Variants in KLHDC3 observed in about 807,000 individuals in gnomAD.
The protein encoded by KLHDC3 is kelch domain containing 3, also known as kelch domain-containing protein 3.
A neutral mutation model predicts 44.1 loss-of-function variants in KLHDC3; 5 were observed. The observed-to-expected ratio is 0.11, with a 90% CI of 0.06 to 0.24. The LOEUF (loss-of-function observed/expected upper bound fraction) is 0.24. KLHDC3 is among the 10% of genes least tolerant of loss of function. The pLI, the probability that KLHDC3 is intolerant of heterozygous loss-of-function variation, is 1.00. For synonymous variants in KLHDC3, 170 were observed against 189.0 expected, an observed-to-expected ratio of 0.90 and a Z score of 0.82; for missense variants, 247 against 514.3, an observed-to-expected ratio of 0.48 and a Z score of 5.03.
intron 9 of KLHDC3, 54 bp from the exon 10 acceptor site, chr6:43,019,234 C>A (rs960262783): frequency 2.6e-6 from 4 of 1,555,438 alleles, no homozygotes; most frequent in Non-Finnish European, 3.6e-6. Context: ...ATATCCAGGA[C>A]TGGATCCTTT....
At position 43,018,106 on chromosome 6, in the gene KLHDC3, G is replaced by A. The variant is rs778561831; in HGVS notation, c.448-39G>A. 6.7e-7 allele frequency: 1 copy of A among 1,485,582 alleles called. No individual in the cohort carries two copies. The highest frequency in any genetic ancestry group is 9.4e-7 in the Non-Finnish European group (1 of 1,063,094). 92.0% of individuals were successfully genotyped at this position (1,485,582 alleles called of 1,614,324 possible). On this transcript the variant is annotated intron_variant, in intron 4 of 10. Transcript: ENST00000326974. The surrounding 1 kb of genome is among the most constrained non-coding windows in gnomAD (Gnocchi z 6.0). ...GATGGAGGGTCAGAGAGTGACCATT[G>A]GCTCCCTCTTTTCTTCCTCCTTTTC... is the stretch of plus-strand genomic sequence containing the variant.
chr6:43,014,991 T>G (rs1239830203), intron 1 of KLHDC3, among the ~76,000 whole-genome samples: 1 of 152,112 alleles, frequency 6.6e-6, no homozygotes, highest in Non-Finnish European at 1.5e-5. Context: ...TCTCCTTGAA[T>G]TTGAGTTGTT....
chr6:43,019,411 A>G (rs1217107860), intron 10 of KLHDC3, 45 bp downstream of exon 10: 1 of 1,357,342 alleles, frequency 7.4e-7, no homozygotes, highest in Non-Finnish European at 1.1e-6. Context: ...AGGGTGAGTG[A>G]GCAGCACAGG....
At chr6:43,014,534 G>T (rs1480089730) in intron 1 of KLHDC3, 186 bp downstream of exon 1, 2 of 467,528 alleles carry the variant, frequency 4.3e-6, no homozygotes, top group Non-Finnish European at 8.5e-6. Flanking sequence ...GAGGAGATGG[G>T]TAGGAGAGAC....
rs1762682014 is a variant in KLHDC3 at position 43,021,025 on chromosome 6, G to C, written c.*292G>C. 1 of 569,378 alleles carries C rather than the reference G, an allele frequency of 1.8e-6. No individual in the cohort carries two copies. The highest frequency in any genetic ancestry group is 1.9e-5 in the African/African-American group (1 of 53,852). 35.3% of individuals were successfully genotyped at this position (569,378 alleles called of 1,614,324 possible). ...GCCCAGGGCCAGCCAGGTTCTGCTG[G>C]GAAGGGAAGGGAATGGGGAGAAGGG... On this transcript the variant is annotated 3_prime_UTR_variant, in exon 11 of 11. Coordinates refer to ENST00000326974, the MANE Select transcript of KLHDC3 (RefSeq NM_057161.4).
Position 43,020,850 on chromosome 6 carries a change from T to C in KLHDC3, c.*117T>C. ...CTTGGTATACCTCCATGTGGAGTTGTTGGGCGAGAGGTGTTCTCTGTGCTG... is the reference window on the plus strand; with the variant it reads ...CTTGGTATACCTCCATGTGGAGTTGCTGGGCGAGAGGTGTTCTCTGTGCTG... On this transcript the variant is annotated 3_prime_UTR_variant, in exon 11 of 11. Transcript: ENST00000326974. 1 of 816,408 alleles carries C rather than the reference T, an allele frequency of 1.2e-6. No homozygotes were observed. Among genetic ancestry groups the C allele is most frequent in the Admixed American group, 1.9e-5 (1 of 52,536 alleles). The allele number at this position is 816,408 out of a possible 1,614,324, so 50.6% of individuals were successfully genotyped here. A position where few individuals can be genotyped will look rare whatever the true frequency, so the allele number is the denominator to read the frequency against.
chr6:43,016,839 G>A (rs1762590077), intron 1 of KLHDC3: 1 of 278,050 alleles, frequency 3.6e-6, no homozygotes, highest in Admixed American at 4.8e-5. Flanking sequence ...CAGGGACAGA[G>A]TGGAGCCTCC....
rs766461695 is a variant in KLHDC3 at position 43,018,354 on chromosome 6, A to C, written c.531A>C (p.Ala177=). ...WTLICTKGSP[A]RWRDFHSATM... ...CTGCCTCTGCCCAGGGCAGCCCTGC[A>C]CGCTGGAGGGACTTCCACTCAGCCA... Residue 177 remains alanine (A), a synonymous_variant, in exon 6 of 11, where the codon GCA becomes GCC. Coordinates refer to ENST00000326974, the MANE Select transcript of KLHDC3 (RefSeq NM_057161.4). The surrounding 1 kb of genome is among the most constrained non-coding windows in gnomAD (Gnocchi z 6.0). The C allele has an allele frequency of 8.1e-6, 13 of 1,613,592 alleles. No individual in the cohort carries two copies. The highest frequency in any genetic ancestry group is 1.7e-5 in the Admixed American group (1 of 60,002).
rs1254879529 is a variant in KLHDC3, at chr6:43,014,609, T to A, written c.-60+261T>A. 3 of 456,492 alleles carry A rather than the reference T, an allele frequency of 6.6e-6. No homozygotes were observed. The East Asian group carries it at 2.1e-4, about 32-fold the overall frequency. The allele number at this position is 456,492 out of a possible 1,614,324, so 28.3% of individuals were successfully genotyped here. A position where few individuals can be genotyped will look rare whatever the true frequency, so the allele number is the denominator to read the frequency against. On this transcript the variant is annotated intron_variant, in intron 1 of 10. Transcript: ENST00000326974. Reference sequence around the variant, plus strand: ...GACTGGGCCATGAAAACAGGGAAGCTGAGCATAATGGAAGGGGAGGGGTGT... The same window carrying A: ...GACTGGGCCATGAAAACAGGGAAGCAGAGCATAATGGAAGGGGAGGGGTGT...
intron 1 of KLHDC3, among the ~76,000 whole-genome samples, chr6:43,015,021 A>C (rs3793023): frequency 0.13 from 19,612 of 152,112 alleles, 2,423 homozygotes; most frequent in African/African-American, 0.33. Context: ...GAGAAACTAA[A>C]ATTTTTTTTC....
At position 43,021,233 on chromosome 6, in the gene KLHDC3, T is replaced by C. The variant is rs1306233151; in HGVS notation, c.*500T>C. 1 of 389,380 alleles carries C rather than the reference T, an allele frequency of 2.6e-6. No individual in the cohort carries two copies. The highest frequency in any genetic ancestry group is 5.1e-6 in the Non-Finnish European group (1 of 195,894). The allele number at this position is 389,380 out of a possible 1,614,324, so 24.1% of individuals were successfully genotyped here. ...AGATAAATCCCACCCTTCCTTGAGC[T>C]GTCGCTGTACTCTGAAGTTCAGCCA... On this transcript the variant is annotated 3_prime_UTR_variant, in exon 11 of 11. Coordinates refer to ENST00000326974, the MANE Select transcript of KLHDC3 (RefSeq NM_057161.4).
intron 1 of KLHDC3, among the ~76,000 whole-genome samples, chr6:43,015,572 G>A (rs1379879447): frequency 6.6e-6 from 1 of 152,112 alleles, no homozygotes; most frequent in African/African-American, 2.4e-5. Context: ...ATGACCAGCT[G>A]GGCATGGTGG....
intron 1 of KLHDC3, among the ~76,000 whole-genome samples, chr6:43,014,895 TAGA>T (rs1211781583): frequency 1.3e-5 from 2 of 151,966 alleles, no homozygotes; most frequent in African/African-American, 2.4e-5. Flanking sequence ...ATTAAGGGAA[TAGA>T]AGAAGTTTGA....
At position 43,018,024 on chromosome 6, in the gene KLHDC3, G is replaced by A. The variant is rs895629039; in HGVS notation, c.447+56G>A. ...GGTGGGACTGAGAAAGAGGGGAAGG[G>A]CAATTTAGGATGGTGAAATGGGAGG... On this transcript the variant is annotated intron_variant, in intron 4 of 10. Coordinates refer to ENST00000326974, the MANE Select transcript of KLHDC3 (RefSeq NM_057161.4). The surrounding 1 kb of genome is among the most constrained non-coding windows in gnomAD (Gnocchi z 6.0). The A allele has an allele frequency of 2.7e-6, 4 of 1,494,812 alleles. No homozygotes were observed. The African/African-American group carries it at 5.5e-5, about 21-fold the overall frequency. The allele number at this position is 1,494,812 out of a possible 1,614,324, so 92.6% of individuals were successfully genotyped here.
rs1762616148 is a variant in KLHDC3 at position 43,017,992 on chromosome 6, G to C, written c.447+24G>C. On this transcript the variant is annotated intron_variant, in intron 4 of 10. Transcript: ENST00000326974. The surrounding 1 kb of genome is among the most constrained non-coding windows in gnomAD (Gnocchi z 6.0). The stretch of plus-strand genomic sequence containing the variant: ...AGGTAGGTCTGGGAATAAAATAAGA[G>C]GTTTAGGGTGGGACTGAGAAAGAGG... The C allele has an allele frequency of 6.3e-7, 1 of 1,581,392 alleles. No individual in the cohort carries two copies. Among genetic ancestry groups the C allele is most frequent in the African/African-American group, 1.3e-5 (1 of 74,310 alleles).
In KLHDC3 at chr6:43,018,847, A is replaced by C. The variant is rs1762634522; in HGVS notation, c.821-16A>C. The C allele has an allele frequency of 6.3e-7, 1 of 1,596,312 alleles. No individual in the cohort carries two copies. The highest frequency in any genetic ancestry group is 8.6e-7 in the Non-Finnish European group (1 of 1,165,890). On this transcript the variant is annotated splice_polypyrimidine_tract_variant and intron_variant, in intron 7 of 10. Transcript: ENST00000326974. This position sits in a 1 kb window ranked among gnomAD's most constrained non-coding sequence, Gnocchi z 6.0. ...GACTAGGCAGGTATTGAACTTCCAT[A>C]TAAATTTCTCTTCAGTGTCCTTTAC...
rs765263209 is a variant in KLHDC3 at position 43,018,381 on chromosome 6, A to C, written c.558A>C (p.Thr186=). The C allele has an allele frequency of 2.5e-6, 4 of 1,613,954 alleles. No homozygotes were observed. Among genetic ancestry groups the C allele is most frequent in the African/African-American group, 1.3e-5 (1 of 74,918 alleles). Residue 186 remains threonine, a synonymous_variant, in exon 6 of 11, where the codon ACA becomes ACC. Coordinates refer to ENST00000326974, the MANE Select transcript of KLHDC3 (RefSeq NM_057161.4). The surrounding 1 kb of genome is among the most constrained non-coding windows in gnomAD (Gnocchi z 6.0). ...PARWRDFHSA[T]MLGSHMYVFG... is the part of the protein sequence containing the mutation. ...GCTGGAGGGACTTCCACTCAGCCAC[A>C]ATGCTGGGAAGTCACATGTATGTCT... is the stretch of plus-strand genomic sequence containing the variant.
In KLHDC3 at chr6:43,018,857, C is replaced by T. The variant is rs1762634761; in HGVS notation, c.821-6C>T. 6 of 1,605,076 alleles carry T rather than the reference C, an allele frequency of 3.7e-6. No homozygotes were observed. Among genetic ancestry groups the T allele is most frequent in the Non-Finnish European group, 5.1e-6 (6 of 1,173,952 alleles). ...GTATTGAACTTCCATATAAATTTCT[C>T]TTCAGTGTCCTTTACCTGGAAAAAG... On this transcript the variant is annotated splice_region_variant and splice_polypyrimidine_tract_variant and intron_variant, in intron 7 of 10. Transcript: ENST00000326974. This position sits in a 1 kb window ranked among gnomAD's most constrained non-coding sequence, Gnocchi z 6.0.
At chr6:43,015,930 C>T (rs1307568942) in intron 1 of KLHDC3, among the ~76,000 whole-genome samples, 1 of 149,860 alleles carries the variant, frequency 6.7e-6, no homozygotes, top group Non-Finnish European at 1.5e-5. Flanking sequence ...CATTTTTTGC[C>T]TCCCTTCCCC....
Sources: gnomAD v4.1 joint callset for allele counts (sites outside exome capture counted in the v4.1 genomes callset) on GRCh38, gnomAD v4.1.1 for gene constraint, Gnocchi (gnomAD v3.1) non-coding constraint, MANE v1.5 for transcripts, NCBI Gene and HGNC (gene_info 2026-07-23, HGNC 2026-07-21) for gene names.